Variants in SYN3 observed in about 807,000 individuals in gnomAD.
SYN3 encodes synapsin-3.
A neutral mutation model predicts 65.8 loss-of-function variants in SYN3; 35 were observed. The ratio of observed to expected loss-of-function variants is 0.53; its 90% CI spans 0.41 to 0.70. The LOEUF is 0.70. SYN3 is among the 30% of genes least tolerant of loss of function. The pLI, the probability that SYN3 is intolerant of heterozygous loss-of-function variation, is 0.00. For missense variants in SYN3, 680 were observed against 749.0 expected (o/e 0.91, Z 1.08); for synonymous variants, 270 against 292.9 (o/e 0.92, Z 0.80).
chr22:32,536,988 A>G (rs953562669), intron 9 of SYN3, among the ~76,000 whole-genome samples: 16 of 152,148 alleles, frequency 1.1e-4, no homozygotes, highest in African/African-American at 3.6e-4. Flanking sequence ...TCAGCACAAC[A>G]TGGCCTGCAG....
intron 7 of SYN3, among the ~76,000 whole-genome samples, chr22:32,586,052 G>GTATACA (rs1330288526): frequency 7.0e-6 from 1 of 142,714 alleles, no homozygotes; most frequent in African/African-American, 2.5e-5. Context: ...ATGTATATAT[G>GTATACA]TGTATATGTA....
intron 2 of SYN3, among the ~76,000 whole-genome samples, chr22:33,004,471 T>TA (rs2053148348): frequency 6.6e-6 from 1 of 152,224 alleles, no homozygotes; most frequent in Non-Finnish European, 1.5e-5. Context: ...GCTTTAGGAT[T>TA]TAATTACTAC....
At chr22:32,591,944 T>C (rs982933154) in intron 7 of SYN3, among the ~76,000 whole-genome samples, 2 of 152,208 alleles carry the variant, frequency 1.3e-5, no homozygotes, top group African/African-American at 2.4e-5. Flanking sequence ...TTAGGAGCCA[T>C]CTCAGTTACT....
intron 10 of SYN3, among the ~76,000 whole-genome samples, chr22:32,530,444 A>G (rs1341450534): frequency 6.6e-6 from 1 of 152,196 alleles, no homozygotes; most frequent in Non-Finnish European, 1.5e-5. Flanking sequence ...CCACTGCATC[A>G]GGCTAATTCC....
At chr22:32,946,424 C>T (rs544017561) in intron 3 of SYN3, among the ~76,000 whole-genome samples, 1 of 151,842 alleles carries the variant, frequency 6.6e-6, no homozygotes, top group Non-Finnish European at 1.5e-5. Flanking sequence ...CCATCATTCT[C>T]AGCAAACTAT....
intron 3 of SYN3, among the ~76,000 whole-genome samples, chr22:32,953,508 A>C (rs2051353297): frequency 6.7e-6 from 1 of 149,900 alleles, no homozygotes; most frequent in Non-Finnish European, 1.5e-5. Flanking sequence ...AAAGTGAGGT[A>C]GCAAAACCTA....
intron 7 of SYN3, among the ~76,000 whole-genome samples, chr22:32,569,269 A>ATCTG (rs1569047406): frequency 2.1e-5 from 3 of 144,064 alleles, no homozygotes; most frequent in South Asian, 2.3e-4. Context: ...CTATCTATCT[A>ATCTG]TCTATCTATC....
intron 2 of SYN3, among the ~76,000 whole-genome samples, chr22:32,983,941 C>T (rs1444409799): frequency 3.3e-5 from 5 of 152,008 alleles, no homozygotes; most frequent in East Asian, 3.9e-4. Context: ...AGGCGGATCA[C>T]GAGGTCAGGA....
intron 6 of SYN3, among the ~76,000 whole-genome samples, chr22:32,771,946 T>C (rs1047472268): frequency 3.9e-5 from 6 of 151,906 alleles, no homozygotes; most frequent in African/African-American, 1.5e-4. Context: ...GGAAGCAGGT[T>C]TGTTTGAGGG....
intron 1 of SYN3, among the ~76,000 whole-genome samples, chr22:33,028,447 C>G (rs1046842233): frequency 7.2e-5 from 11 of 152,340 alleles, no homozygotes; most frequent in Middle Eastern, 6.8e-3. Context: ...GCTGCCCGCA[C>G]AGCCAGCAAA....
intron 6 of SYN3, among the ~76,000 whole-genome samples, chr22:32,764,228 C>G (rs1261353584): frequency 6.6e-6 from 1 of 152,130 alleles, no homozygotes; most frequent in Non-Finnish European, 1.5e-5. Flanking sequence ...CAGGTGTGAG[C>G]CACTGTGCCT....
At chr22:32,943,701 C>A (rs1031662201) in intron 3 of SYN3, among the ~76,000 whole-genome samples, 1 of 152,068 alleles carries the variant, frequency 6.6e-6, no homozygotes, top group Non-Finnish European at 1.5e-5. Flanking sequence ...TTCAGTAGAC[C>A]CATCTCACGT....
chr22:32,534,336 C>G (rs7291537), intron 9 of SYN3, among the ~76,000 whole-genome samples: 2,660 of 152,198 alleles, frequency 0.017, 70 homozygotes, highest in African/African-American at 0.06. Context: ...AAAGCTGCTC[C>G]AAGGGCTCCA....
chr22:32,774,334 A>C (rs373104396), intron 6 of SYN3, among the ~76,000 whole-genome samples: 15 of 152,268 alleles, frequency 9.9e-5, no homozygotes, highest in African/African-American at 3.6e-4. Context: ...TAAGAAGAGG[A>C]AATTTGGACA....
chr22:32,942,624 G>A (rs981027539), intron 3 of SYN3, among the ~76,000 whole-genome samples: 2 of 152,198 alleles, frequency 1.3e-5, no homozygotes, highest in Non-Finnish European at 2.9e-5. Context: ...GAGTGAAGAA[G>A]GCTTCAGACG....
intron 12 of SYN3, among the ~76,000 whole-genome samples, chr22:32,524,825 A>G (rs1452006375): frequency 1.3e-5 from 2 of 152,140 alleles, no homozygotes; most frequent in African/African-American, 4.8e-5. Context: ...CCTGGACAAC[A>G]TGGTGAAACT....
chr22:33,028,504 G>A (rs1286348581), intron 1 of SYN3, among the ~76,000 whole-genome samples: 1 of 152,194 alleles, frequency 6.6e-6, no homozygotes, highest in East Asian at 1.9e-4. Flanking sequence ...ATCTTTCCAG[G>A]GCAACCACGG....
chr22:32,720,136 A>G (rs2061096235), intron 6 of SYN3, among the ~76,000 whole-genome samples: 1 of 152,204 alleles, frequency 6.6e-6, no homozygotes, highest in South Asian at 2.1e-4. Flanking sequence ...TACCGGCCCC[A>G]TGTGCTTTTT....
chr22:32,551,201 C>A (rs1188037316), intron 7 of SYN3, among the ~76,000 whole-genome samples: 1 of 152,076 alleles, frequency 6.6e-6, no homozygotes, highest in African/African-American at 2.4e-5. Flanking sequence ...AATGCCAAGG[C>A]CACTGGGGAA....
Sources: allele counts gnomAD v4.1 joint callset (sites outside exome capture counted in the v4.1 genomes callset), GRCh38; gene constraint gnomAD v4.1.1; transcripts MANE v1.5; gene names NCBI Gene and HGNC (gene_info 2026-07-23, HGNC 2026-07-21).